ZNF469: variants seen among roughly 807,000 people sequenced by gnomAD.
ZNF469 encodes zinc finger protein 469.
A neutral mutation model predicts 1.0 loss-of-function variants in ZNF469; 1 was observed. The observed-to-expected ratio is 1.00, with a 90% CI of 0.35 to 4.73. The LOEUF (loss-of-function observed/expected upper bound fraction) is 4.73, where lower values mean the gene tolerates loss of function less well. Among genes scored for constraint, ZNF469 ranks in the 30% most tolerant of loss-of-function variants. The pLI, the probability that ZNF469 is intolerant of heterozygous loss-of-function variation, is 0.16. For missense variants in ZNF469, 6,100 were observed against 5,356.3 expected (o/e 1.14, Z -4.33); for synonymous variants, 2,703 against 2,363.4 (o/e 1.14, Z -4.17).
the ZNF469 span, among the ~76,000 whole-genome samples, chr16:88,114,728 C>T: frequency 2.0e-5 from 3 of 152,158 alleles, no homozygotes; most frequent in Admixed American, 6.5e-5. Context: ...GCTGTGTGTG[C>T]GGTGAGTCGG....
the ZNF469 span, chr16:88,177,560 T>C: frequency 1.3e-5 from 2 of 152,248 alleles, no homozygotes; most frequent in Non-Finnish European, 2.9e-5. This position sits in a 1 kb window ranked among gnomAD's most constrained non-coding sequence, Gnocchi z 4.8. Context: ...GTCCTGGGGA[T>C]GTGCCCCTGA....
chr16:88,380,353 G>GCACTCACA (rs1473707123), upstream of ZNF469, among the ~76,000 whole-genome samples: 5 of 66,312 alleles, frequency 7.5e-5, 2 homozygotes, highest in African/African-American at 1.7e-4. Context: ...TCACACACAT[G>GCACTCACA]CGCTCACACA....
In ZNF469 at chr16:88,436,101, C is replaced by G; in HGVS notation, c.8631C>G (p.Val2877=). 1 of 1,549,260 alleles carries G rather than the reference C, an allele frequency of 6.5e-7. No individual in the cohort carries two copies. The change falls in exon 3 of 3, where the codon GTC becomes GTG. Residue 2877 remains valine (V), a synonymous_variant. Transcript: ENST00000565624. ...GRLTRKRNPH[V]YGKRCEKPVL... ...TGACTAGAAAGAGGAACCCGCATGT[C>G]TACGGGAAGCGCTGTGAGAAGCCGG...
chr16:88,397,582 T>A (rs2142270511), intron 1 of ZNF469, among the ~76,000 whole-genome samples: 1 of 151,946 alleles, frequency 6.6e-6, no homozygotes, highest in South Asian at 2.1e-4. Flanking sequence ...CATATATGTA[T>A]GTAGTATGTG....
At chr16:88,375,232 T>A in the ZNF469 span, among the ~76,000 whole-genome samples, 1 of 152,202 alleles carries the variant, frequency 6.6e-6, no homozygotes, top group South Asian at 2.1e-4. Context: ...TTCACCTCCA[T>A]CCGGACTCAG....
At chr16:88,327,853 A>C in the ZNF469 span, among the ~76,000 whole-genome samples, 1 of 152,180 alleles carries the variant, frequency 6.6e-6, no homozygotes, top group African/African-American at 2.4e-5. Flanking sequence ...TCCCGAGTTC[A>C]GCTGGGGCCC....
chr16:88,140,974 C>T, the ZNF469 span, among the ~76,000 whole-genome samples: 4 of 151,950 alleles, frequency 2.6e-5, no homozygotes, highest in South Asian at 2.1e-4. Context: ...TCAAGTCTAG[C>T]GTATGGCCCT....
the ZNF469 span, among the ~76,000 whole-genome samples, chr16:88,259,965 CTTTTTTTT>C: frequency 2.0e-5 from 3 of 151,400 alleles, no homozygotes; most frequent in Admixed American, 6.6e-5. The surrounding 1 kb of genome is among the most constrained non-coding windows in gnomAD (Gnocchi z 4.1). Context: ...TAAAAAGTCA[CTTTTTTTT>C]TGTTTTTTTG....
At chr16:88,416,102 C>T (rs988983158) in intron 1 of ZNF469, among the ~76,000 whole-genome samples, 1 of 152,310 alleles carries the variant, frequency 6.6e-6, no homozygotes, top group African/African-American at 2.4e-5. Context: ...GAGTAATTAA[C>T]GCAGCCACCA....
chr16:88,248,947 G>A, the ZNF469 span, among the ~76,000 whole-genome samples: 6 of 152,166 alleles, frequency 3.9e-5, no homozygotes, highest in Admixed American at 6.5e-5. Context: ...TGTGTCCCTC[G>A]GCCTCTCTGT....
the ZNF469 span, among the ~76,000 whole-genome samples, chr16:88,164,362 A>G: frequency 1.3e-5 from 2 of 152,010 alleles, no homozygotes; most frequent in Non-Finnish European, 2.9e-5. Flanking sequence ...GGGTAAGTGG[A>G]TGAATGGATG....
chr16:88,181,754 A>T, the ZNF469 span, among the ~76,000 whole-genome samples: 1 of 152,332 alleles, frequency 6.6e-6, no homozygotes, highest in South Asian at 2.1e-4. Context: ...AGCCTAGAAA[A>T]GGAAGAGCAC....
intron 1 of ZNF469, among the ~76,000 whole-genome samples, chr16:88,389,037 A>C (rs1369357682): frequency 6.6e-6 from 1 of 152,260 alleles, no homozygotes; most frequent in Admixed American, 6.5e-5. Flanking sequence ...CTCGAGTCAC[A>C]TAACCGCTCT....
the ZNF469 span, among the ~76,000 whole-genome samples, chr16:88,243,572 T>C: frequency 6.6e-6 from 1 of 152,044 alleles, no homozygotes; most frequent in Non-Finnish European, 1.5e-5. Context: ...GAGTAGAGCA[T>C]CTCCTTCAAC....
the ZNF469 span, among the ~76,000 whole-genome samples, chr16:88,247,512 G>T: frequency 1.4e-5 from 2 of 138,586 alleles, no homozygotes; most frequent in African/African-American, 4.9e-5. Flanking sequence ...GAGGGAATGA[G>T]TGAGTGAGTG....
chr16:88,346,098 A>T, the ZNF469 span, among the ~76,000 whole-genome samples: 1 of 152,216 alleles, frequency 6.6e-6, no homozygotes, highest in Non-Finnish European at 1.5e-5. Context: ...AGCCGAGAGC[A>T]TTACAAAAGA....
intron 1 of ZNF469, among the ~76,000 whole-genome samples, chr16:88,385,584 A>C (rs926308382): frequency 6.6e-6 from 1 of 151,410 alleles, no homozygotes; most frequent in Non-Finnish European, 1.5e-5. Flanking sequence ...TCAAGGCTGC[A>C]GTTAATGATG....
chr16:88,132,129 C>G, the ZNF469 span, among the ~76,000 whole-genome samples: 1 of 152,236 alleles, frequency 6.6e-6, no homozygotes, highest in Non-Finnish European at 1.5e-5. Flanking sequence ...TGTCTGTGGC[C>G]CCGGCCATAC....
rs1906411724 is a variant in ZNF469 at position 88,434,307 on chromosome 16, C to T, written c.6837C>T (p.Pro2279=). The T allele has an allele frequency of 3.9e-6, 6 of 1,550,380 alleles. No homozygotes were observed. The highest frequency in any genetic ancestry group is 1.4e-5 in the African/African-American group (1 of 73,186). The change falls in exon 3 of 3, where the codon CCC becomes CCT. Residue 2279 remains proline (P), a synonymous_variant. Transcript: ENST00000565624. The stretch of plus-strand genomic sequence containing the variant: ...CTCCTCTGGCAGGGGCCGTCTCCCC[C>T]AGCGTGGCCGTCAGGGCTACTGGCC... ...TSPPLAGAVS[P]SVAVRATGLS... is the part of the protein sequence containing the mutation.
Sources: allele counts gnomAD v4.1 joint callset (sites outside exome capture counted in the v4.1 genomes callset), GRCh38; gene constraint gnomAD v4.1.1; non-coding constraint Gnocchi (gnomAD v3.1); transcripts MANE v1.5; gene names NCBI Gene and HGNC (gene_info 2026-07-23, HGNC 2026-07-21).